The following OPCML variants were observed in gnomAD, a reference collection of about 807,000 sequenced individuals.
OPCML encodes opioid binding protein/cell adhesion molecule like, also known as opioid-binding protein/cell adhesion molecule.
OPCML carries 13 observed loss-of-function variants against 37.8 expected under a neutral mutation model. The observed-to-expected ratio is 0.34, with a 90% confidence interval of 0.22 to 0.55. The LOEUF (loss-of-function observed/expected upper bound fraction) is 0.55, where lower values mean the gene tolerates loss of function less well. Among genes scored for constraint, OPCML ranks in the 20% least tolerant of loss-of-function variants. The pLI is 0.91. For missense variants in OPCML, 341 were observed against 435.6 expected, an observed-to-expected ratio of 0.78 and a Z score of 1.93; for synonymous variants, 176 against 168.8, an observed-to-expected ratio of 1.04 and a Z score of -0.33.
intron 1 of OPCML, among the ~76,000 whole-genome samples, chr11:132,993,209 C>T (rs1439503892): frequency 1.3e-5 from 2 of 152,170 alleles, no homozygotes; most frequent in African/African-American, 2.4e-5. Flanking sequence ...TCTGCCCACC[C>T]GAGGTTTGCA....
Position 133,323,062 on chromosome 11 carries a change from A to T in OPCML, c.61+209202T>A, listed in dbSNP as rs182753976. Reference sequence around the variant, plus strand: ...ACACGAGTCAGACTGAATCTCAGGGAGAAGAAACAGCCCACCAGCACGTTG... The same window carrying T: ...ACACGAGTCAGACTGAATCTCAGGGTGAAGAAACAGCCCACCAGCACGTTG... On this transcript the variant is annotated intron_variant, in intron 1 of 7. Coordinates refer to ENST00000524381, the MANE Select transcript of OPCML (RefSeq NM_001012393.5). Among the ~76,000 whole-genome samples, 178 of 152,308 alleles carry T rather than the reference A, an allele frequency of 1.2e-3. 1 individual carries two copies. Among genetic ancestry groups the T allele is most frequent in the Non-Finnish European group, 1.5e-3 (105 of 68,030 alleles).
intron 1 of OPCML, among the ~76,000 whole-genome samples, chr11:133,081,259 C>T (rs773922932): frequency 2.0e-5 from 3 of 152,100 alleles, no homozygotes; most frequent in Non-Finnish European, 4.4e-5. Flanking sequence ...ACAGTTAATT[C>T]TCCGTTTCCT....
intron 2 of OPCML, among the ~76,000 whole-genome samples, chr11:132,814,438 C>A (rs1256320477): frequency 6.6e-6 from 1 of 152,140 alleles, no homozygotes; most frequent in Non-Finnish European, 1.5e-5. Flanking sequence ...TAAATCCCAG[C>A]CCAAGGGCAG....
chr11:132,839,277 C>T lies in OPCML; in HGVS notation c.146+103649G>A, dbSNP rs889177734. On this transcript the variant is annotated intron_variant, in intron 2 of 7. Coordinates refer to ENST00000524381, the MANE Select transcript of OPCML (RefSeq NM_001012393.5). ...GTGGGACACAGGCCTGAGCCCCACT[C>T]ACGGGCTGCATGACATTTTATCTCG... Among the ~76,000 whole-genome samples the T allele has an allele frequency of 2.0e-5, 3 of 152,142 alleles. No individual in the cohort carries two copies. In the South Asian group the frequency reaches 6.2e-4, roughly 32 times the overall value.
chr11:133,305,420 A>C (rs2136576917), intron 1 of OPCML, among the ~76,000 whole-genome samples: 1 of 152,354 alleles, frequency 6.6e-6, no homozygotes, highest in South Asian at 2.1e-4. Flanking sequence ...CCTTCAGCTA[A>C]GAACACAGAG....
At position 132,420,170 on chromosome 11, in the gene OPCML, C is replaced by T. The variant is rs902529661; in HGVS notation, c.*23G>A. ...CTGTGATATGGAGAAGCAGGCGTTG[C>T]TCAGAGGACCTAGGATTTCTTATCA... On this transcript the variant is annotated 3_prime_UTR_variant, in exon 8 of 8. Transcript: ENST00000524381. 3 of 1,609,400 alleles carry T rather than the reference C, an allele frequency of 1.9e-6. No individual in the cohort carries two copies. The African/African-American group carries it at 4.0e-5, about 22-fold the overall frequency.
At chr11:132,561,722 T>A (rs1318929400) in intron 3 of OPCML, among the ~76,000 whole-genome samples, 1 of 152,232 alleles carries the variant, frequency 6.6e-6, no homozygotes, top group Non-Finnish European at 1.5e-5. Flanking sequence ...TTCTGAATGA[T>A]GAGCTTACTT....
chr11:133,119,025 G>C (rs1229247178), intron 1 of OPCML, among the ~76,000 whole-genome samples: 1 of 152,184 alleles, frequency 6.6e-6, no homozygotes, highest in Non-Finnish European at 1.5e-5. Flanking sequence ...ACTTCCTTTG[G>C]ATAATCACTT....
intron 2 of OPCML, among the ~76,000 whole-genome samples, chr11:132,763,255 A>C (rs1946327696): frequency 6.6e-6 from 1 of 152,210 alleles, no homozygotes; most frequent in African/African-American, 2.4e-5. Flanking sequence ...AGCTGTTTCT[A>C]TTCGGCCATC....
intron 1 of OPCML, among the ~76,000 whole-genome samples, chr11:133,010,269 A>G (rs1947190973): frequency 6.6e-6 from 1 of 152,252 alleles, no homozygotes; most frequent in Admixed American, 6.5e-5. Context: ...GCCAGGGATC[A>G]GAGCTTTGTC....
At chr11:133,530,854 T>C (rs1948591458) in intron 1 of OPCML, among the ~76,000 whole-genome samples, 1 of 152,254 alleles carries the variant, frequency 6.6e-6, no homozygotes, top group Admixed American at 6.5e-5. Context: ...TCCATTTTTC[T>C]GATTTCACTT....
intron 3 of OPCML, among the ~76,000 whole-genome samples, chr11:132,627,135 G>A (rs1939796492): frequency 6.6e-6 from 1 of 151,976 alleles, no homozygotes; most frequent in African/African-American, 2.4e-5. Flanking sequence ...CAAAACTTAG[G>A]AAGAGGAGAT....
intron 1 of OPCML, among the ~76,000 whole-genome samples, chr11:133,140,767 GAAGAA>G (rs1197838526): frequency 1.5e-5 from 2 of 129,260 alleles, no homozygotes; most frequent in African/African-American, 6.9e-5. Flanking sequence ...AGACGACGAA[GAAGAA>G]GAAGAAGAAG....
chr11:132,819,793 T>TA (rs1167503007), intron 2 of OPCML, among the ~76,000 whole-genome samples: 1 of 152,192 alleles, frequency 6.6e-6, no homozygotes, highest in Non-Finnish European at 1.5e-5. Context: ...CATCAGTAAG[T>TA]CACTTTAAGT....
intron 2 of OPCML, among the ~76,000 whole-genome samples, chr11:132,922,954 A>C (rs1054914596): frequency 4.6e-5 from 7 of 151,832 alleles, no homozygotes; most frequent in African/African-American, 1.7e-4. Flanking sequence ...GTGGTGGTGC[A>C]TGCCAGCTCC....
chr11:132,974,069 TG>T (rs1405558291), intron 1 of OPCML, among the ~76,000 whole-genome samples: 1 of 152,234 alleles, frequency 6.6e-6, no homozygotes, highest in Non-Finnish European at 1.5e-5. Flanking sequence ...TAATCACTCA[TG>T]TCTCTGGCCA....
intron 1 of OPCML, among the ~76,000 whole-genome samples, chr11:133,415,208 G>C (rs1428396719): frequency 6.6e-6 from 1 of 152,094 alleles, no homozygotes; most frequent in Non-Finnish European, 1.5e-5. Context: ...AGGAGATTGA[G>C]ACCATCCAGA....
intron 1 of OPCML, among the ~76,000 whole-genome samples, chr11:133,079,796 T>C (rs1448202370): frequency 6.6e-6 from 1 of 152,162 alleles, no homozygotes; most frequent in Admixed American, 6.5e-5. Context: ...CCCAAGGTCC[T>C]GTCCACCTCC....
At chr11:132,942,428 G>T (rs1565356867) in intron 2 of OPCML, among the ~76,000 whole-genome samples, 1 of 152,296 alleles carries the variant, frequency 6.6e-6, no homozygotes, top group East Asian at 1.9e-4. Flanking sequence ...CACGAGTGCT[G>T]GGTCTTGAGG....
Sources: allele counts gnomAD v4.1 joint callset (sites outside exome capture counted in the v4.1 genomes callset), GRCh38; gene constraint gnomAD v4.1.1; transcripts MANE v1.5; gene names NCBI Gene and HGNC (gene_info 2026-07-23, HGNC 2026-07-21).